MYH10: variants seen among roughly 807,000 people sequenced by gnomAD.
MYH10 encodes the protein myosin heavy chain 10, also known as myosin-10.
In MYH10, 55 loss-of-function variants were observed where a neutral mutation model predicts 257.8. The ratio of observed to expected loss-of-function variants is 0.21; its 90% CI spans 0.17 to 0.27. The LOEUF is 0.27. Ranked by LOEUF, MYH10 falls within the 10% of genes least tolerant of loss-of-function variation. The probability of loss-of-function intolerance (pLI) is 1.00; values close to 1 mark genes in which losing one functional copy is unlikely to be tolerated. For missense variants in MYH10, 1,631 were observed against 2,500.6 expected (o/e 0.65, Z 7.42); for synonymous variants, 854 against 921.7 (o/e 0.93, Z 1.33).
chr17:8,553,719 C>A (rs1195112114), intron 8 of MYH10, among the ~76,000 whole-genome samples: 1 of 152,210 alleles, frequency 6.6e-6, no homozygotes, highest in Non-Finnish European at 1.5e-5. Flanking sequence ...CACACAAACA[C>A]TGTGGCACTC....
rs375904852 is a variant in MYH10, at chr17:8,513,775, G to A, written c.2613+11C>T. On this transcript the variant is annotated intron_variant, in intron 22 of 42. Coordinates refer to ENST00000360416, the MANE Select transcript of MYH10 (RefSeq NM_001256012.3). ...TTGAAAGGGATCTGGAAAGAAGTGA[G>A]CCAAGCTCACCTTTGTGAAGACTCG... 110 of 1,613,810 alleles carry A rather than the reference G, an allele frequency of 6.8e-5. No homozygotes were observed. The African/African-American group carries it at 1.3e-3, about 19-fold the overall frequency.
chr17:8,542,060 C>T (rs1375943804), intron 14 of MYH10, 47 bp downstream of exon 14: 2 of 1,562,194 alleles, frequency 1.3e-6, no homozygotes, highest in Middle Eastern at 1.7e-4. Context: ...CTTAAGGTCA[C>T]TGCTTGAGTG....
At chr17:8,601,930 A>G (rs1454481712) in intron 3 of MYH10, among the ~76,000 whole-genome samples, 1 of 151,972 alleles carries the variant, frequency 6.6e-6, no homozygotes, top group Non-Finnish European at 1.5e-5. Flanking sequence ...TGTGCATGAT[A>G]TGAAACTAGG....
intron 1 of MYH10, among the ~76,000 whole-genome samples, chr17:8,625,704 C>T (rs1357048490): frequency 6.6e-6 from 1 of 152,178 alleles, no homozygotes; most frequent in African/African-American, 2.4e-5. Context: ...TGGTCTTGAA[C>T]TCCTCACCTC....
chr17:8,484,519 G>A (rs777284825), intron 36 of MYH10, among the ~76,000 whole-genome samples: 4 of 152,056 alleles, frequency 2.6e-5, no homozygotes, highest in Non-Finnish European at 1.5e-5. Flanking sequence ...GGAATGACAA[G>A]GATATCGTAA....
In MYH10 at chr17:8,552,740, A is replaced by G. The variant is rs1451601760; in HGVS notation, c.821-596T>C. Among the ~76,000 whole-genome samples the G allele has an allele frequency of 6.6e-6, 1 of 152,120 alleles. No individual in the cohort carries two copies. Among genetic ancestry groups the G allele is most frequent in the African/African-American group, 2.4e-5 (1 of 41,422 alleles). On this transcript the variant is annotated intron_variant, in intron 8 of 42. Coordinates refer to ENST00000360416, the MANE Select transcript of MYH10 (RefSeq NM_001256012.3). The surrounding 1 kb of genome is among the most constrained non-coding windows in gnomAD (Gnocchi z 4.8). The stretch of plus-strand genomic sequence containing the variant: ...TCAGCAGCACATGTAACTTTCCCAT[A>G]TGCCTTGACAGCTACGATGAGATTA...
rs571808837 is a variant in MYH10 at position 8,577,574 on chromosome 17, C to T, written c.531-236G>A. Among the ~76,000 whole-genome samples the T allele has an allele frequency of 5.9e-5, 9 of 152,268 alleles. No individual in the cohort carries two copies. In the East Asian group the frequency reaches 1.3e-3, roughly 23 times the overall value. ...TGAGACAGAGTCTCACTCTGCTGCC[C>T]GGGCTGGAGTGCAGTGGCGCGATCT... On this transcript the variant is annotated intron_variant, in intron 4 of 42. Transcript: ENST00000360416.
chr17:8,492,380 T>C lies in MYH10; in HGVS notation c.4588A>G (p.Lys1530Glu), dbSNP rs1915900240. The C allele has an allele frequency of 6.2e-7, 1 of 1,613,822 alleles. No individual in the cohort carries two copies. Among genetic ancestry groups the C allele is most frequent in the South Asian group, 1.1e-5 (1 of 91,088 alleles). Residue 1530 changes from lysine to glutamate, a missense_variant, in exon 34 of 43, where the codon AAG (lysine) becomes GAG (glutamate). Physicochemically the swap from Lys to Glu is moderately conservative, Grantham distance 56. Around this residue, in one of 11 missense-constraint regions of MYH10, gnomAD observed 463 missense variants for 621.8 expected, o/e 0.74. Coordinates refer to ENST00000360416, the MANE Select transcript of MYH10 (RefSeq NM_001256012.3). ...TTGTTCTGCCTCTCAAACTCCTCCT[T>C]GGCCTCCAGGGCTTCCTCGAGGGCC... Reference protein sequence around the residue: ...ARALEEALEAKEEFERQNKQL... With the variant: ...ARALEEALEAEEEFERQNKQL...
chr17:8,524,495 A>G, intron 17 of MYH10, among the ~76,000 whole-genome samples: 1 of 129,492 alleles, frequency 7.7e-6, no homozygotes, highest in Admixed American at 8.1e-5. Context: ...AAAAAAAAGG[A>G]TATGGAGAGG....
At position 8,612,913 on chromosome 17, in the gene MYH10, T is replaced by C. The variant is rs2085100384; in HGVS notation, c.346-7931A>G. The stretch of plus-strand genomic sequence containing the variant: ...TATAGGAAAAAACATCATATATATA[T>C]GGTTCAGTACCATTTGTGGTTTCAG... On this transcript the variant is annotated intron_variant, in intron 2 of 42. Coordinates refer to ENST00000360416, the MANE Select transcript of MYH10 (RefSeq NM_001256012.3). 3.3e-5 allele frequency among the ~76,000 whole-genome samples: 5 copies of C among 152,086 alleles called. No homozygotes were observed. In the South Asian group the frequency reaches 1.0e-3, roughly 32 times the overall value.
At chr17:8,555,889 T>C (rs2082775977) in intron 7 of MYH10, among the ~76,000 whole-genome samples, 1 of 125,994 alleles carries the variant, frequency 7.9e-6, no homozygotes, top group Non-Finnish European at 1.8e-5. Flanking sequence ...GAAACACATG[T>C]GATAAAAGGC....
In MYH10 at chr17:8,493,783, C is replaced by T. The variant is rs759942990; in HGVS notation, c.4159G>A (p.Glu1387Lys). ...NSLQEQQEEE[E>K]EARKNLEKQV... ...TTCTCCAGGTTCTTCCTGGCCTCCT[C>T]CTCCTCCTCCTGCTGCTCCTGAAGA... Residue 1387 changes from glutamate to lysine, a missense_variant, in exon 32 of 43, where the codon GAG becomes AAG. By Grantham distance (56) the Glu-to-Lys change is moderately conservative. Coordinates refer to ENST00000360416, the MANE Select transcript of MYH10 (RefSeq NM_001256012.3). 13 of 1,614,060 alleles carry T rather than the reference C, an allele frequency of 8.1e-6. No individual in the cohort carries two copies. The highest frequency in any genetic ancestry group is 1.0e-5 in the Non-Finnish European group (12 of 1,179,976).
Position 8,490,046 on chromosome 17 carries a change from A to C in MYH10, c.4884+294T>G, listed in dbSNP as rs1043392661. On this transcript the variant is annotated intron_variant, in intron 35 of 42. Coordinates refer to ENST00000360416, the MANE Select transcript of MYH10 (RefSeq NM_001256012.3). The surrounding 1 kb of genome is among the most constrained non-coding windows in gnomAD (Gnocchi z 4.1). ...AATTCTTTCCTATACCCATGTTCTA[A>C]GACAAGGAACTTGAACCTAACCACG... Among the ~76,000 whole-genome samples the C allele has an allele frequency of 3.3e-5, 5 of 152,214 alleles. No homozygotes were observed. The highest frequency in any genetic ancestry group is 5.9e-5 in the Non-Finnish European group (4 of 68,044).
At position 8,504,006 on chromosome 17, in the gene MYH10, G is replaced by A. The variant is rs1400145658; in HGVS notation, c.3599+688C>T. Among the ~76,000 whole-genome samples, 2 of 152,128 alleles carry A rather than the reference G, an allele frequency of 1.3e-5. No individual in the cohort carries two copies. The highest frequency in any genetic ancestry group is 4.8e-5 in the African/African-American group (2 of 41,426). ...CAGTGATGACACCTATGAGTCCGTG[G>A]GAGCCGCAGGCCAGCACCTCCAGGC... On this transcript the variant is annotated intron_variant, in intron 28 of 42. Transcript: ENST00000360416. The surrounding 1 kb of genome is among the most constrained non-coding windows in gnomAD (Gnocchi z 5.6).
At chr17:8,492,633 T>A in intron 33 of MYH10, 124 bp from the exon 34 acceptor site, 1 of 291,176 alleles carries the variant, frequency 3.4e-6, no homozygotes. Context: ...TGTATTTCCT[T>A]TTTTTTTTTT....
chr17:8,614,028 GTGA>G (rs1478561891), intron 2 of MYH10, among the ~76,000 whole-genome samples: 1 of 152,140 alleles, frequency 6.6e-6, no homozygotes. Context: ...CTGTATATAC[GTGA>G]TAATAGCTTC....
intron 2 of MYH10, among the ~76,000 whole-genome samples, chr17:8,615,203 C>G (rs937286634): frequency 2.6e-5 from 4 of 151,704 alleles, no homozygotes; most frequent in Non-Finnish European, 5.9e-5. Context: ...CACATGAGCC[C>G]AGGACTTCAA....
At chr17:8,601,927 G>A (rs111728266) in intron 3 of MYH10, among the ~76,000 whole-genome samples, 2,844 of 151,426 alleles carry the variant, frequency 0.019, 86 homozygotes, top group African/African-American at 0.064. Context: ...GTTTGTGCAT[G>A]ATATGAAACT....
At chr17:8,528,390 G>A (rs1567852247) in intron 17 of MYH10, among the ~76,000 whole-genome samples, 1 of 152,040 alleles carries the variant, frequency 6.6e-6, no homozygotes, top group African/African-American at 2.4e-5. Context: ...TATCTCTGAG[G>A]TCCAGACTTT....
Sources: gnomAD v4.1 joint callset for allele counts (sites outside exome capture counted in the v4.1 genomes callset) on GRCh38, gnomAD v4.1.1 for gene constraint, gnomAD v4.1.1 regional missense constraint, Gnocchi (gnomAD v3.1) non-coding constraint, MANE v1.5 for transcripts, NCBI Gene and HGNC (gene_info 2026-07-23, HGNC 2026-07-21) for gene names.